SUFU: variants seen among roughly 807,000 people sequenced by gnomAD.
SUFU encodes the protein SUFU negative regulator of hedgehog signaling.
A neutral mutation model predicts 58.9 loss-of-function variants in SUFU; 7 were observed. The observed-to-expected ratio is 0.12, with a 90% CI of 0.07 to 0.22. The LOEUF (loss-of-function observed/expected upper bound fraction) is 0.22. Among genes scored for constraint, SUFU ranks in the 10% least tolerant of loss-of-function variants. The pLI, the probability that SUFU is intolerant of heterozygous loss-of-function variation, is 1.00. For synonymous variants in SUFU, 232 were observed against 254.8 expected (o/e 0.91, Z 0.85); for missense variants, 451 against 641.3 (o/e 0.70, Z 3.20).
At chr10:102,615,217 T>C (rs1414793396) in intron 8 of SUFU, 51 bp from the exon 9 acceptor site, 1 of 1,613,600 alleles carries the variant, frequency 6.2e-7, no homozygotes, top group Admixed American at 1.7e-5. Flanking sequence ...ATCTTGCTCC[T>C]CCCTGAGCTT....
At chr10:102,578,438 G>A (rs2063237358) in intron 3 of SUFU, among the ~76,000 whole-genome samples, 1 of 151,948 alleles carries the variant, frequency 6.6e-6, no homozygotes. Flanking sequence ...ATTAGTCTGG[G>A]TGCAGTGGCA....
At chr10:102,559,719 A>C (rs538622475) in intron 3 of SUFU, among the ~76,000 whole-genome samples, 13 of 152,298 alleles carry the variant, frequency 8.5e-5, no homozygotes, top group Non-Finnish European at 1.3e-4. Flanking sequence ...CATTAGAAAG[A>C]AACCATTCCC....
chr10:102,557,600 G>T (rs10786681), intron 3 of SUFU, among the ~76,000 whole-genome samples: 68,881 of 151,846 alleles, frequency 0.45, 16,021 homozygotes, highest in East Asian at 0.68. Flanking sequence ...ACCCTGGACA[G>T]CAGAGCAAGA....
intron 3 of SUFU, among the ~76,000 whole-genome samples, chr10:102,572,502 GCCC>G (rs898785123): frequency 1.3e-5 from 2 of 149,542 alleles, no homozygotes; most frequent in African/African-American, 4.9e-5. Context: ...CAATTCTCCT[GCCC>G]CAGCCTCCTG....
intron 8 of SUFU, among the ~76,000 whole-genome samples, chr10:102,607,099 C>T (rs752169552): frequency 6.0e-5 from 9 of 149,772 alleles, no homozygotes; most frequent in Admixed American, 2.7e-4. Flanking sequence ...GACTCTGTCG[C>T]CTTGGCTGGA....
chr10:102,578,333 T>C (rs2063236154), intron 3 of SUFU, among the ~76,000 whole-genome samples: 1 of 151,070 alleles, frequency 6.6e-6, no homozygotes, highest in Non-Finnish European at 1.5e-5. Context: ...ATTCCAGAAC[T>C]TTGGGAGGCC....
intron 2 of SUFU, among the ~76,000 whole-genome samples, chr10:102,530,477 CAG>C (rs1349215601): frequency 3.0e-5 from 4 of 132,376 alleles, no homozygotes; most frequent in Non-Finnish European, 6.2e-5. Flanking sequence ...TTAATGGAGA[CAG>C]GGACTCACTC....
At chr10:102,523,921 T>C (rs574499150) in intron 2 of SUFU, among the ~76,000 whole-genome samples, 2 of 152,370 alleles carry the variant, frequency 1.3e-5, no homozygotes, top group South Asian at 4.1e-4. Flanking sequence ...CTGCTCTTCC[T>C]ATTCTGCCCC....
intron 3 of SUFU, among the ~76,000 whole-genome samples, chr10:102,589,900 T>C (rs2063377501): frequency 6.6e-6 from 1 of 152,086 alleles, no homozygotes; most frequent in Non-Finnish European, 1.5e-5. Context: ...TGATGTTAGC[T>C]GTGGGGTTTT....
chr10:102,542,801 T>C (rs1251606031), intron 2 of SUFU, among the ~76,000 whole-genome samples: 2 of 152,106 alleles, frequency 1.3e-5, no homozygotes, highest in African/African-American at 4.8e-5. Context: ...ATTTTTGTAC[T>C]TTTTGTGGAG....
intron 1 of SUFU, among the ~76,000 whole-genome samples, chr10:102,506,978 G>A (rs2062335621): frequency 6.6e-6 from 1 of 152,230 alleles, no homozygotes; most frequent in Non-Finnish European, 1.5e-5. Context: ...TCCTGCAACT[G>A]CCCTGCAGAG....
At chr10:102,537,718 T>C (rs149579375) in intron 2 of SUFU, among the ~76,000 whole-genome samples, 1 of 152,234 alleles carries the variant, frequency 6.6e-6, no homozygotes, top group Non-Finnish European at 1.5e-5. Context: ...ATCCATGTTG[T>C]AGCAGATGTC....
At chr10:102,563,677 C>T (rs1404698647) in intron 3 of SUFU, among the ~76,000 whole-genome samples, 1 of 151,210 alleles carries the variant, frequency 6.6e-6, no homozygotes, top group Non-Finnish European at 1.5e-5. Context: ...GCCTAGGCAA[C>T]AGAGCAAGAC....
intron 2 of SUFU, 42 bp from the exon 3 acceptor site, chr10:102,549,928 A>G: frequency 1.2e-6 from 2 of 1,613,030 alleles, no homozygotes; most frequent in African/African-American, 1.3e-5. Context: ...TGTTTTTCCT[A>G]AGGTAATTGA....
rs906267027 is a variant in SUFU, at chr10:102,599,509, T to C, written c.987T>C (p.Pro329=). The C allele has an allele frequency of 1.9e-6, 3 of 1,614,148 alleles. No individual in the cohort carries two copies. The highest frequency in any genetic ancestry group is 3.3e-5 in the Admixed American group (2 of 60,030). Residue 329 remains proline, a synonymous_variant, in exon 8 of 12, where the codon CCT becomes CCC. Transcript: ENST00000369902. ...NSKPVLPPIN[P]QRQNGLAHDR... Reference sequence around the variant, plus strand: ...AACCTGTCCTTCCACCAATCAACCCTCAGCGGCAGAATGGCCTCGCCCACG... The same window carrying C: ...AACCTGTCCTTCCACCAATCAACCCCCAGCGGCAGAATGGCCTCGCCCACG...
intron 2 of SUFU, among the ~76,000 whole-genome samples, chr10:102,531,410 A>G (rs986032593): frequency 2.6e-5 from 4 of 152,186 alleles, no homozygotes; most frequent in Non-Finnish European, 4.4e-5. Flanking sequence ...CATTACTCCC[A>G]TCGCCCAGCC....
At chr10:102,571,142 A>G (rs1327192140) in intron 3 of SUFU, among the ~76,000 whole-genome samples, 3 of 152,216 alleles carry the variant, frequency 2.0e-5, no homozygotes, top group African/African-American at 7.2e-5. Context: ...ACTCTTAACT[A>G]GAGGATCTGA....
chr10:102,570,398 C>G (rs760176761), intron 3 of SUFU, among the ~76,000 whole-genome samples: 2 of 152,090 alleles, frequency 1.3e-5, no homozygotes, highest in Non-Finnish European at 2.9e-5. Flanking sequence ...CACGCCACCA[C>G]GCCTGGCTAA....
At chr10:102,551,532 G>GGAGGCT in intron 3 of SUFU, among the ~76,000 whole-genome samples, 1 of 151,624 alleles carries the variant, frequency 6.6e-6, no homozygotes, top group Admixed American at 6.6e-5. Flanking sequence ...CAGCTACTCG[G>GGAGGCT]GAGGCTGAGG....
Sources: gnomAD v4.1 joint callset for allele counts (sites outside exome capture counted in the v4.1 genomes callset) on GRCh38, gnomAD v4.1.1 for gene constraint, MANE v1.5 for transcripts, NCBI Gene and HGNC (gene_info 2026-07-23, HGNC 2026-07-21) for gene names.